Variants in WWOX observed in about 807,000 individuals in gnomAD.
The protein encoded by WWOX is WW domain-containing oxidoreductase.
WWOX carries 69 observed loss-of-function variants against 46.2 expected under a neutral mutation model. The ratio of observed to expected loss-of-function variants is 1.49; its 90% CI spans 1.23 to 1.82. WWOX has a LOEUF of 1.82. Ranked by LOEUF, WWOX falls within the 40% of genes most tolerant of loss-of-function variation. The pLI is 0.00. For synonymous variants in WWOX, 359 were observed against 202.6 expected (o/e 1.77, Z -6.56); for missense variants, 919 against 542.6 (o/e 1.69, Z -6.89).
At chr16:79,049,019 A>G (rs772279636) in intron 8 of WWOX, among the ~76,000 whole-genome samples, 1 of 152,200 alleles carries the variant, frequency 6.6e-6, no homozygotes, top group Non-Finnish European at 1.5e-5. Context: ...AGGGACAGGC[A>G]CTGTGCTAGA....
chr16:78,444,656 G>A (rs886856730), intron 8 of WWOX, among the ~76,000 whole-genome samples: 5 of 151,044 alleles, frequency 3.3e-5, no homozygotes, highest in Admixed American at 2.7e-4. Context: ...TCAGACTCCC[G>A]AGTAGCTAGG....
intron 5 of WWOX, among the ~76,000 whole-genome samples, chr16:78,272,892 G>GACA (rs1956900003): frequency 6.6e-6 from 1 of 152,120 alleles, no homozygotes; most frequent in African/African-American, 2.4e-5. Context: ...ACCCCCACAA[G>GACA]ACAACATCCT....
chr16:79,165,970 C>T (rs1040226882), intron 8 of WWOX, among the ~76,000 whole-genome samples: 16 of 152,126 alleles, frequency 1.1e-4, no homozygotes, highest in African/African-American at 3.9e-4. Context: ...TAGTTGCTCT[C>T]CTGTGAAAAT....
chr16:78,714,014 T>C (rs1336915405), intron 8 of WWOX, among the ~76,000 whole-genome samples: 1 of 151,954 alleles, frequency 6.6e-6, no homozygotes, highest in South Asian at 2.1e-4. Flanking sequence ...TGACACTGCA[T>C]TTGGGGGGAA....
At position 78,180,452 on chromosome 16, in the gene WWOX, T is replaced by A. The variant is rs78353049; in HGVS notation, c.516+16163T>A. 2.4e-3 allele frequency among the ~76,000 whole-genome samples: 363 copies of A among 151,748 alleles called. 8 individuals carry two copies. The East Asian group carries it at 0.043, about 18-fold the overall frequency. ...AGTAGGGGGTATATGTTAGGGCTAG[T>A]GCGTAAACCCAGCTGCACCCGAGAT... On this transcript the variant is annotated intron_variant, in intron 5 of 8. Transcript: ENST00000566780.
At chr16:79,203,132 T>TATC (rs1465089008) in intron 8 of WWOX, 44 of 152,288 alleles carry the variant, frequency 2.9e-4, no homozygotes, top group African/African-American at 9.9e-4. Flanking sequence ...GTGAATGAAA[T>TATC]ATCTATTGTT....
rs145123684 is a variant in WWOX at position 78,447,908 on chromosome 16, A to C, written c.1056+15156A>C. ...AACGTCCACCTCCTGGGTTTAATCG[A>C]TCCTCCTGCCTCAGCCTCCCAAGTA... On this transcript the variant is annotated intron_variant, in intron 8 of 8. Transcript: ENST00000566780. 5.4e-3 allele frequency among the ~76,000 whole-genome samples: 817 copies of C among 152,182 alleles called. 41 individuals are homozygous for C. The East Asian group carries it at 0.11, about 21-fold the overall frequency.
chr16:78,824,418 A>G (rs937281559), intron 8 of WWOX, among the ~76,000 whole-genome samples: 1 of 152,142 alleles, frequency 6.6e-6, no homozygotes, highest in East Asian at 1.9e-4. Context: ...CCTCTAATCA[A>G]TATGTATTGC....
At chr16:79,147,745 G>C (rs1444272297) in intron 8 of WWOX, among the ~76,000 whole-genome samples, 1 of 152,102 alleles carries the variant, frequency 6.6e-6, no homozygotes, top group Admixed American at 6.5e-5. Context: ...CCAGCATTTG[G>C]TGGTGTTGCA....
chr16:78,992,359 C>T (rs997731835), intron 8 of WWOX, among the ~76,000 whole-genome samples: 3 of 152,020 alleles, frequency 2.0e-5, no homozygotes, highest in Admixed American at 6.5e-5. Flanking sequence ...CCCAGCTACT[C>T]TGGAGGCTGA....
intron 8 of WWOX, among the ~76,000 whole-genome samples, chr16:79,035,382 T>C (rs934854760): frequency 1.3e-5 from 2 of 152,182 alleles, no homozygotes; most frequent in Non-Finnish European, 2.9e-5. Flanking sequence ...CCAACCCCAT[T>C]AGACAGTGGC....
intron 5 of WWOX, among the ~76,000 whole-genome samples, chr16:78,317,246 A>C (rs1300475039): frequency 6.6e-6 from 1 of 152,106 alleles, no homozygotes; most frequent in Non-Finnish European, 1.5e-5. Flanking sequence ...CAGGAACTTG[A>C]GTGATACTTT....
chr16:79,167,833 C>T (rs949623057), intron 8 of WWOX, among the ~76,000 whole-genome samples: 1 of 152,152 alleles, frequency 6.6e-6, no homozygotes, highest in Non-Finnish European at 1.5e-5. Flanking sequence ...CCACCGTCAC[C>T]TCTTTTTAGT....
intron 6 of WWOX, among the ~76,000 whole-genome samples, chr16:78,402,887 A>G (rs746180795): frequency 2.6e-5 from 4 of 152,178 alleles, no homozygotes; most frequent in Non-Finnish European, 2.9e-5. Context: ...CCACTACCAC[A>G]TGTGAATTAA....
intron 8 of WWOX, among the ~76,000 whole-genome samples, chr16:78,992,874 G>A (rs1047974637): frequency 2.7e-4 from 41 of 151,888 alleles, no homozygotes; most frequent in Middle Eastern, 3.4e-3. Context: ...AGGATTTAAC[G>A]ACCCGCAAAT....
intron 8 of WWOX, among the ~76,000 whole-genome samples, chr16:78,819,310 G>C (rs775077531): frequency 6.6e-6 from 1 of 152,064 alleles, no homozygotes; most frequent in Non-Finnish European, 1.5e-5. Flanking sequence ...CTTACACACC[G>C]GACCAAATTG....
chr16:78,273,804 G>T (rs2079527616), intron 5 of WWOX, among the ~76,000 whole-genome samples: 1 of 152,216 alleles, frequency 6.6e-6, no homozygotes, highest in Admixed American at 6.5e-5. Context: ...TTCTGGCTTG[G>T]ACAGTGTATT....
chr16:78,425,816 C>T (rs908481225), intron 7 of WWOX, among the ~76,000 whole-genome samples: 1 of 151,990 alleles, frequency 6.6e-6, no homozygotes, highest in African/African-American at 2.4e-5. Flanking sequence ...GCGGGGGGAA[C>T]TTACACTCTT....
At chr16:78,141,783 G>A (rs1263280429) in intron 4 of WWOX, among the ~76,000 whole-genome samples, 1 of 151,870 alleles carries the variant, frequency 6.6e-6, no homozygotes, top group African/African-American at 2.4e-5. Flanking sequence ...TTATCAGTGT[G>A]TAATTAATAA....
Sources: allele counts gnomAD v4.1 joint callset (sites outside exome capture counted in the v4.1 genomes callset), GRCh38; gene constraint gnomAD v4.1.1; transcripts MANE v1.5; gene names NCBI Gene and HGNC (gene_info 2026-07-23, HGNC 2026-07-21).